CSMD1: variants seen among roughly 807,000 people sequenced by gnomAD.
CSMD1 encodes the protein CUB and sushi domain-containing protein 1.
A neutral mutation model predicts 417.5 loss-of-function variants in CSMD1; 213 were observed. The ratio of observed to expected loss-of-function variants is 0.51; its 90% CI spans 0.46 to 0.57. The LOEUF is 0.57. CSMD1 is among the 20% of genes least tolerant of loss of function. CSMD1 has a pLI of 0.00. For missense variants in CSMD1, 6,923 were observed against 4,529.7 expected (o/e 1.53, Z -15.17); for synonymous variants, 2,862 against 1,736.8 (o/e 1.65, Z -16.11).
intron 11 of CSMD1, among the ~76,000 whole-genome samples, chr8:3,487,599 A>C (rs1028476094): frequency 1.3e-5 from 2 of 152,188 alleles, no homozygotes; most frequent in Non-Finnish European, 2.9e-5. Context: ...GTATCGGGTA[A>C]ATTTGGTGTA....
chr8:3,369,738 C>A (rs1480599314), intron 18 of CSMD1, among the ~76,000 whole-genome samples: 1 of 152,144 alleles, frequency 6.6e-6, no homozygotes, highest in East Asian at 1.9e-4. Flanking sequence ...ATGTCATGTT[C>A]AAACACTCAC....
chr8:4,263,332 C>G (rs1487283849), intron 3 of CSMD1, among the ~76,000 whole-genome samples: 1 of 152,156 alleles, frequency 6.6e-6, no homozygotes. Context: ...TCTGTGACTT[C>G]TTTCCCCTGG....
intron 12 of CSMD1, among the ~76,000 whole-genome samples, chr8:3,411,221 G>C (rs1812679249): frequency 6.6e-6 from 1 of 152,132 alleles, no homozygotes; most frequent in Non-Finnish European, 1.5e-5. Context: ...GGAAATTCAG[G>C]GTGGTTTCTC....
At chr8:4,486,313 C>A (rs1368930315) in intron 2 of CSMD1, among the ~76,000 whole-genome samples, 1 of 146,718 alleles carries the variant, frequency 6.8e-6, no homozygotes. Context: ...AGCTTTTATC[C>A]CCCTAGCTAC....
intron 8 of CSMD1, among the ~76,000 whole-genome samples, chr8:3,602,069 G>A (rs926218931): frequency 2.0e-5 from 3 of 152,112 alleles, no homozygotes; most frequent in Non-Finnish European, 2.9e-5. Context: ...GAGATGGATG[G>A]TGGTCATGGT....
intron 11 of CSMD1, among the ~76,000 whole-genome samples, chr8:3,493,101 C>A (rs1020811685): frequency 4.0e-5 from 6 of 151,898 alleles, no homozygotes; most frequent in African/African-American, 4.8e-5. Flanking sequence ...CGAGACCAAC[C>A]GGGCCAACAT....
intron 5 of CSMD1, among the ~76,000 whole-genome samples, chr8:3,765,674 G>A (rs1798227576): frequency 6.6e-6 from 1 of 152,242 alleles, no homozygotes; most frequent in African/African-American, 2.4e-5. Context: ...AGAGAATGCT[G>A]CTCTTGTCCT....
intron 11 of CSMD1, among the ~76,000 whole-genome samples, chr8:3,471,043 G>T (rs1020244905): frequency 6.6e-6 from 1 of 152,132 alleles, no homozygotes; most frequent in Non-Finnish European, 1.5e-5. Flanking sequence ...AAGCGCAAGA[G>T]GGCAATAGCT....
intron 3 of CSMD1, among the ~76,000 whole-genome samples, chr8:4,297,738 G>A (rs555932529): frequency 1.3e-5 from 2 of 152,052 alleles, no homozygotes; most frequent in African/African-American, 4.8e-5. Flanking sequence ...TCATTCAATG[G>A]CACCACTAAC....
intron 1 of CSMD1, among the ~76,000 whole-genome samples, chr8:4,656,212 T>C (rs1804219154): frequency 6.6e-6 from 1 of 151,958 alleles, no homozygotes; most frequent in Non-Finnish European, 1.5e-5. Context: ...AGGAAGGGAA[T>C]ATGGCTGTGG....
chr8:4,036,683 G>C (rs987312067), intron 3 of CSMD1, among the ~76,000 whole-genome samples: 1 of 152,206 alleles, frequency 6.6e-6, no homozygotes, highest in Non-Finnish European at 1.5e-5. Flanking sequence ...TCATGAAATT[G>C]CATTTCTCAT....
chr8:4,180,246 A>C (rs2680620), intron 3 of CSMD1, among the ~76,000 whole-genome samples: 149,467 of 152,078 alleles, frequency 0.98, 73,501 homozygotes, highest in Middle Eastern at 1. Flanking sequence ...ACTATGCAGC[A>C]ATAAAAAATG....
intron 2 of CSMD1, among the ~76,000 whole-genome samples, chr8:4,458,488 A>T (rs913204146): frequency 6.6e-6 from 1 of 152,208 alleles, no homozygotes; most frequent in Non-Finnish European, 1.5e-5. Flanking sequence ...AAGCATGCAT[A>T]TTATGAGAAA....
At position 2,974,580 on chromosome 8, in the gene CSMD1, T is replaced by C. The variant is rs1804759183; in HGVS notation, c.8611A>G (p.Thr2871Ala). Residue 2871 changes from threonine to alanine, a missense_variant, in exon 56 of 70, where the codon ACT becomes GCT. Physicochemically the swap from Thr to Ala is moderately conservative, Grantham distance 58. Transcript: ENST00000635120. ...GCGCCATAGGTAAACAGCTCTCCAG[T>C]GAGGACGGCGTTGGCAGGGACCCCT... is the stretch of plus-strand genomic sequence containing the variant. ...HPGVPANAVLTGELFTYGAVV... is the reference protein window; with the variant it reads ...HPGVPANAVLAGELFTYGAVV... 1 of 1,612,236 alleles carries C rather than the reference T, an allele frequency of 6.2e-7. No individual in the cohort carries two copies. The highest frequency in any genetic ancestry group is 2.2e-5 in the East Asian group (1 of 44,778).
intron 3 of CSMD1, among the ~76,000 whole-genome samples, chr8:4,269,514 T>G (rs534612104): frequency 6.6e-6 from 1 of 152,192 alleles, no homozygotes; most frequent in African/African-American, 2.4e-5. Flanking sequence ...CATGTTTTTA[T>G]CTAACTAAAA....
chr8:3,339,290 G>A (rs775317194), intron 23 of CSMD1, among the ~76,000 whole-genome samples: 2 of 151,910 alleles, frequency 1.3e-5, no homozygotes, highest in Non-Finnish European at 2.9e-5. Flanking sequence ...CATTTTCACA[G>A]GCCCTTCACT....
chr8:3,938,341 T>G (rs1810644717), intron 5 of CSMD1, among the ~76,000 whole-genome samples: 1 of 152,158 alleles, frequency 6.6e-6, no homozygotes, highest in Non-Finnish European at 1.5e-5. Context: ...AAGCATATAA[T>G]ACAACATAAA....
At chr8:4,368,383 G>C (rs1214267438) in intron 3 of CSMD1, among the ~76,000 whole-genome samples, 2 of 152,022 alleles carry the variant, frequency 1.3e-5, no homozygotes, top group South Asian at 2.1e-4. Context: ...GCTGGATTCA[G>C]TTTGCTGGTA....
intron 2 of CSMD1, among the ~76,000 whole-genome samples, chr8:4,436,476 A>C (rs189426522): frequency 6.6e-6 from 1 of 152,142 alleles, no homozygotes; most frequent in Admixed American, 6.5e-5. Flanking sequence ...AATGCATAAT[A>C]ATCACCTCAG....
Sources: gnomAD v4.1 joint callset for allele counts (sites outside exome capture counted in the v4.1 genomes callset) on GRCh38, gnomAD v4.1.1 for gene constraint, MANE v1.5 for transcripts, NCBI Gene and HGNC (gene_info 2026-07-23, HGNC 2026-07-21) for gene names.